The following MCC variants were observed in gnomAD, a reference collection of about 807,000 sequenced individuals.
The protein encoded by MCC is colorectal mutant cancer protein.
MCC carries 90 observed loss-of-function variants against 116.2 expected under a neutral mutation model. That is an observed-to-expected ratio of 0.77 (90% CI 0.65 to 0.92). MCC has a LOEUF of 0.92. MCC is among the 40% of genes least tolerant of loss of function. The pLI is 0.00. For missense variants in MCC, 1,516 were observed against 1,312.2 expected (o/e 1.16, Z -2.40); for synonymous variants, 578 against 510.5 (o/e 1.13, Z -1.78).
chr5:113,417,587 T>C (rs1234262591), intron 1 of MCC, among the ~76,000 whole-genome samples: 1 of 152,172 alleles, frequency 6.6e-6, no homozygotes, highest in Non-Finnish European at 1.5e-5. Context: ...TAAAAGCCAA[T>C]GACATTAAAG....
intron 11 of MCC, among the ~76,000 whole-genome samples, chr5:113,078,751 G>A (rs1338930045): frequency 6.6e-6 from 1 of 152,162 alleles, no homozygotes; most frequent in Non-Finnish European, 1.5e-5. Context: ...ACTGGCACAA[G>A]ACAGGGATGC....
At chr5:113,323,932 G>C (rs1767485186) in intron 3 of MCC, among the ~76,000 whole-genome samples, 2 of 152,298 alleles carry the variant, frequency 1.3e-5, no homozygotes, top group Admixed American at 1.3e-4. Context: ...AGTGTGGAAA[G>C]GACCACTAAT....
chr5:113,305,719 G>C (rs748714550), intron 3 of MCC, among the ~76,000 whole-genome samples: 1 of 152,114 alleles, frequency 6.6e-6, no homozygotes, highest in Admixed American at 6.6e-5. Context: ...CCAAAGTACA[G>C]TTTTCCGTAA....
At chr5:113,130,471 A>G (rs1205692597) in intron 5 of MCC, among the ~76,000 whole-genome samples, 2 of 152,196 alleles carry the variant, frequency 1.3e-5, no homozygotes, top group Non-Finnish European at 2.9e-5. Flanking sequence ...GAACTTAGGT[A>G]TAATTAAAAA....
intron 1 of MCC, among the ~76,000 whole-genome samples, chr5:113,402,254 A>G (rs534975387): frequency 2.3e-4 from 33 of 146,372 alleles, no homozygotes; most frequent in African/African-American, 8.3e-4. Flanking sequence ...AGATTGCGCC[A>G]CTGCACTCCA....
chr5:113,366,693 T>A (rs1456257364), intron 2 of MCC, among the ~76,000 whole-genome samples: 2 of 152,244 alleles, frequency 1.3e-5, no homozygotes, highest in African/African-American at 4.8e-5. Flanking sequence ...CAAGGTTTCC[T>A]CATTTACTTA....
chr5:113,114,585 C>A (rs1757287644), intron 6 of MCC, among the ~76,000 whole-genome samples: 1 of 152,204 alleles, frequency 6.6e-6, no homozygotes, highest in African/African-American at 2.4e-5. Flanking sequence ...TACCCCGCCC[C>A]CCATCCTATA....
At chr5:113,458,796 G>A (rs1580403464) in intron 1 of MCC, among the ~76,000 whole-genome samples, 1 of 152,106 alleles carries the variant, frequency 6.6e-6, no homozygotes, top group African/African-American at 2.4e-5. Context: ...TATATGGCAT[G>A]GTTATCTGCA....
intron 14 of MCC, among the ~76,000 whole-genome samples, chr5:113,055,290 C>T (rs1301895855): frequency 1.3e-5 from 2 of 152,146 alleles, no homozygotes; most frequent in African/African-American, 2.4e-5. Context: ...CTCCACAGGC[C>T]GCCAGATGCC....
In MCC at chr5:113,433,800, T is replaced by C. The variant is rs766617453; in HGVS notation, c.171-48588A>G. 1.2e-5 allele frequency: 19 copies of C among 1,613,854 alleles called. No individual in the cohort carries two copies. In the South Asian group the frequency reaches 2.1e-4, roughly 18 times the overall value. On this transcript the variant is annotated intron_variant, in intron 1 of 18. Transcript: ENST00000408903. ...TTCCTCTGTCTCCATAGTCGACGGC[T>C]TGCTGGGGAAACCCAGGATCTCCGA... is the stretch of plus-strand genomic sequence containing the variant.
At chr5:113,223,107 C>T (rs534537430) in intron 3 of MCC, among the ~76,000 whole-genome samples, 12 of 152,192 alleles carry the variant, frequency 7.9e-5, no homozygotes, top group Middle Eastern at 3.4e-3. Context: ...AAAAATGGGA[C>T]GCAAACGAAG....
At position 113,049,288 on chromosome 5, in the gene MCC, G is replaced by A. The variant is rs770356016; in HGVS notation, c.2460C>T (p.Ala820=). The A allele has an allele frequency of 3.1e-6, 5 of 1,596,016 alleles. No homozygotes were observed. The highest frequency in any genetic ancestry group is 2.6e-6 in the Non-Finnish European group (3 of 1,170,522). ...GTAGGTAGAGCTGGGCCTTCAACTCGGCCATCTCCTCCTACAGACAAAGGA... is the reference window on the plus strand; with the variant it reads ...GTAGGTAGAGCTGGGCCTTCAACTCAGCCATCTCCTCCTACAGACAAAGGA... ...QELMAMKEEM[A]ELKAQLYLLE... The change falls in exon 16 of 19, where the codon GCC becomes GCT. Residue 820 remains alanine (A), a synonymous_variant. Coordinates refer to ENST00000408903, the MANE Select transcript of MCC (RefSeq NM_001085377.2).
chr5:113,194,087 G>A (rs1362915777), intron 3 of MCC, among the ~76,000 whole-genome samples: 1 of 151,998 alleles, frequency 6.6e-6, no homozygotes, highest in Non-Finnish European at 1.5e-5. Context: ...AGGCTCCAGA[G>A]GACTCCTATA....
chr5:113,327,170 G>C (rs562344082), intron 3 of MCC, among the ~76,000 whole-genome samples: 4 of 152,070 alleles, frequency 2.6e-5, no homozygotes, highest in African/African-American at 9.7e-5. Context: ...GATCTCTAGA[G>C]GACAGAAGTA....
chr5:113,464,292 T>G (rs1771836074), intron 1 of MCC, among the ~76,000 whole-genome samples: 1 of 152,210 alleles, frequency 6.6e-6, no homozygotes, highest in South Asian at 2.1e-4. Flanking sequence ...CCATAAAATC[T>G]GCCCCCTCAC....
chr5:113,400,889 A>T (rs552422139), intron 1 of MCC, among the ~76,000 whole-genome samples: 3 of 152,324 alleles, frequency 2.0e-5, no homozygotes, highest in African/African-American at 7.2e-5. Context: ...TATTCTAGCA[A>T]TAATGGTCAG....
intron 13 of MCC, among the ~76,000 whole-genome samples, chr5:113,066,636 A>C (rs755891464): frequency 1.3e-5 from 2 of 152,216 alleles, no homozygotes; most frequent in Non-Finnish European, 2.9e-5. Context: ...GTGCAAGTCG[A>C]AACTGAAGGA....
At chr5:113,354,093 T>C (rs962683986) in intron 2 of MCC, among the ~76,000 whole-genome samples, 3 of 152,152 alleles carry the variant, frequency 2.0e-5, no homozygotes, top group African/African-American at 2.4e-5. Flanking sequence ...ATAAAAGACT[T>C]ATTTCTCTGC....
intron 3 of MCC, among the ~76,000 whole-genome samples, chr5:113,202,787 T>TAAA (rs11387012): frequency 7.2e-4 from 100 of 139,852 alleles, no homozygotes; most frequent in African/African-American, 2.1e-3. Context: ...GCCCTTTATT[T>TAAA]AAAAAAAAAA....
Sources: allele counts gnomAD v4.1 joint callset (sites outside exome capture counted in the v4.1 genomes callset), GRCh38; gene constraint gnomAD v4.1.1; transcripts MANE v1.5; gene names NCBI Gene and HGNC (gene_info 2026-07-23, HGNC 2026-07-21).